Variants in HELZ observed in about 807,000 individuals in gnomAD.
HELZ encodes the protein ATP-dependent RNA helicase with zinc finger domain.
A neutral mutation model predicts 218.2 loss-of-function variants in HELZ; 23 were observed. The ratio of observed to expected loss-of-function variants is 0.11; its 90% CI spans 0.08 to 0.15. HELZ has a LOEUF of 0.15. HELZ is among the 10% of genes least tolerant of loss of function. HELZ has a pLI of 1.00. For synonymous variants in HELZ, 814 were observed against 829.4 expected (o/e 0.98, Z 0.32); for missense variants, 1,813 against 2,353.7 (o/e 0.77, Z 4.75).
At chr17:67,206,333 T>C (rs963863880) in intron 5 of HELZ, among the ~76,000 whole-genome samples, 3 of 152,228 alleles carry the variant, frequency 2.0e-5, no homozygotes, top group Non-Finnish European at 2.9e-5. Flanking sequence ...TTTCTAACAC[T>C]TGAAATATGT....
intron 31 of HELZ, among the ~76,000 whole-genome samples, chr17:67,106,352 A>C (rs1283810360): frequency 1.4e-5 from 2 of 145,708 alleles, no homozygotes; most frequent in Admixed American, 6.7e-5. Flanking sequence ...TCTGTCGCCC[A>C]CGCTGGAGTG....
chr17:67,189,409 T>A (rs1054309142), intron 11 of HELZ, among the ~76,000 whole-genome samples, 180 bp downstream of exon 11: 13 of 152,216 alleles, frequency 8.5e-5, no homozygotes, highest in African/African-American at 3.1e-4. Context: ...AAAGTATTTT[T>A]AAAATTGTAC....
At chr17:67,168,814 G>A (rs576622067) in intron 13 of HELZ, among the ~76,000 whole-genome samples, 4 of 152,146 alleles carry the variant, frequency 2.6e-5, no homozygotes, top group South Asian at 2.1e-4. Context: ...ATATGGAGCC[G>A]GACATGGTGG....
intron 31 of HELZ, among the ~76,000 whole-genome samples, chr17:67,100,214 T>C (rs1314424222): frequency 6.6e-6 from 1 of 152,166 alleles, no homozygotes; most frequent in East Asian, 1.9e-4. Flanking sequence ...GAAATTAAAA[T>C]TATCAACTAA....
chr17:67,124,712 T>C (rs2037727379), intron 24 of HELZ, among the ~76,000 whole-genome samples: 1 of 152,142 alleles, frequency 6.6e-6, no homozygotes, highest in African/African-American at 2.4e-5. Flanking sequence ...GCATGGTTTA[T>C]GTGTGTAATA....
intron 5 of HELZ, among the ~76,000 whole-genome samples, chr17:67,210,180 C>T (rs1567894483): frequency 6.6e-6 from 1 of 152,220 alleles, no homozygotes; most frequent in Non-Finnish European, 1.5e-5. Flanking sequence ...GCTATAATCA[C>T]GCCACTCTAC....
At position 67,161,032 on chromosome 17, in the gene HELZ, T is replaced by C; in HGVS notation, c.1940A>G (p.Lys647Arg). ...QLDPRLNAKQ[K>R]EAVLAITTPL... ...AGTGGTAATGGCCAGAACAGCCTCT[T>C]TCTGTTTTGCATTTAGTCGAGGATC... The change falls in exon 16 of 33, where the codon AAA becomes AGA. Residue 647 changes from lysine (K) to arginine (R), a missense_variant. Lys to Arg is a conservative substitution (Grantham distance 26). Around this residue, in one of 4 missense-constraint regions of HELZ, gnomAD observed 714 missense variants for 1,029.2 expected, o/e 0.69. Coordinates refer to ENST00000358691, the MANE Select transcript of HELZ (RefSeq NM_014877.4). 6.2e-7 allele frequency: 1 copy of C among 1,612,942 alleles called. No homozygotes were observed. Among genetic ancestry groups the C allele is most frequent in the South Asian group, 1.1e-5 (1 of 90,786 alleles).
At chr17:67,084,128 A>G (rs2143559132) in intron 32 of HELZ, among the ~76,000 whole-genome samples, 1 of 152,316 alleles carries the variant, frequency 6.6e-6, no homozygotes, top group East Asian at 1.9e-4. Context: ...AAATTGATAA[A>G]CAAGAAGTTG....
At position 67,149,912 on chromosome 17, in the gene HELZ, T is replaced by C; in HGVS notation, c.2430A>G (p.Leu810=). The C allele has an allele frequency of 6.2e-7, 1 of 1,611,426 alleles. No individual in the cohort carries two copies. The highest frequency in any genetic ancestry group is 8.5e-7 in the Non-Finnish European group (1 of 1,178,568). Residue 810 remains leucine (L), a synonymous_variant, in exon 19 of 33, where the codon TTA becomes TTG. Transcript: ENST00000358691. ...MECETIMPLA[L]ATQNTRIVLA... ...AGACAATCCGAGTGTTTTGAGTTGCTAATGCTAGAGGCATAATGGTTTCAC... is the reference window on the plus strand; with the variant it reads ...AGACAATCCGAGTGTTTTGAGTTGCCAATGCTAGAGGCATAATGGTTTCAC...
At chr17:67,228,262 G>A (rs544834240) in intron 3 of HELZ, among the ~76,000 whole-genome samples, 14 of 152,218 alleles carry the variant, frequency 9.2e-5, no homozygotes, top group Admixed American at 9.2e-4. Context: ...TAAAATGCAC[G>A]TTTCATTATA....
chr17:67,195,599 G>A (rs1818203715), intron 7 of HELZ, 129 bp from the exon 8 acceptor site: 1 of 573,888 alleles, frequency 1.7e-6, no homozygotes, highest in Admixed American at 3.0e-5. Flanking sequence ...ACATTAATAT[G>A]TTGCCAATGA....
chr17:67,087,725 C>T (rs2036436416), intron 31 of HELZ, among the ~76,000 whole-genome samples: 1 of 152,272 alleles, frequency 6.6e-6, no homozygotes, highest in East Asian at 1.9e-4. Flanking sequence ...ATGTTTGAAA[C>T]CCAATTAACT....
Position 67,109,161 on chromosome 17 carries a change from A to C in HELZ, c.4444T>G (p.Phe1482Val). The change falls in exon 29 of 33, where the codon TTC becomes GTC. Residue 1482 changes from phenylalanine (F) to valine (V), a missense_variant. Coordinates refer to ENST00000358691, the MANE Select transcript of HELZ (RefSeq NM_014877.4). ...AATCCCGAGGGGTTCTCATCAATGA[A>C]GCTATTCAGATGTGAAGGAAGAATG... ...GPILPSHLNS[F>V]IDENPSGLPI... is the part of the protein sequence containing the mutation. The C allele has an allele frequency of 6.2e-7, 1 of 1,613,914 alleles. No individual in the cohort carries two copies. The highest frequency in any genetic ancestry group is 8.5e-7 in the Non-Finnish European group (1 of 1,180,020).
intron 12 of HELZ, among the ~76,000 whole-genome samples, chr17:67,183,541 A>T (rs986136973): frequency 1.3e-5 from 2 of 152,226 alleles, no homozygotes; most frequent in Non-Finnish European, 2.9e-5. Flanking sequence ...TAATGTTAAC[A>T]TAGATAGCTA....
intron 7 of HELZ, among the ~76,000 whole-genome samples, chr17:67,200,114 G>A (rs1419964438): frequency 2.6e-5 from 4 of 152,110 alleles, no homozygotes; most frequent in African/African-American, 4.8e-5. Flanking sequence ...ATAGTACCTA[G>A]CACATAGGCA....
At chr17:67,195,563 G>T in intron 7 of HELZ, 93 bp from the exon 8 acceptor site, 1 of 724,898 alleles carries the variant, frequency 1.4e-6, no homozygotes, top group Non-Finnish European at 2.4e-6. Context: ...CAAAGGTGAA[G>T]TTGGAATACT....
chr17:67,088,320 T>TCCA (rs1344759576), intron 31 of HELZ, among the ~76,000 whole-genome samples: 2 of 152,156 alleles, frequency 1.3e-5, no homozygotes, highest in Non-Finnish European at 2.9e-5. Context: ...TCACCACTGT[T>TCCA]GTTAGCAATA....
chr17:67,225,315 T>C (rs1203956531), intron 3 of HELZ: 3 of 194,844 alleles, frequency 1.5e-5, no homozygotes, highest in African/African-American at 7.2e-5. Context: ...AGAGTTAACT[T>C]ATCCAGTTAC....
chr17:67,165,618 C>T (rs1286264157), intron 15 of HELZ, among the ~76,000 whole-genome samples: 1 of 151,946 alleles, frequency 6.6e-6, no homozygotes, highest in African/African-American at 2.4e-5. Context: ...GGCATAAAAC[C>T]CAGTGAAGAG....
Sources: gnomAD v4.1 joint callset for allele counts (sites outside exome capture counted in the v4.1 genomes callset) on GRCh38, gnomAD v4.1.1 for gene constraint, gnomAD v4.1.1 regional missense constraint, MANE v1.5 for transcripts, NCBI Gene and HGNC (gene_info 2026-07-23, HGNC 2026-07-21) for gene names.